Variants in INPP4B observed in about 807,000 individuals in gnomAD.
The protein encoded by INPP4B is inositol polyphosphate 4-phosphatase type II.
A neutral mutation model predicts 122.5 loss-of-function variants in INPP4B; 55 were observed. The ratio of observed to expected loss-of-function variants is 0.45; its 90% confidence interval spans 0.36 to 0.56. The LOEUF (loss-of-function observed/expected upper bound fraction) is 0.56. Ranked by LOEUF, INPP4B falls within the 20% of genes least tolerant of loss-of-function variation. INPP4B has a pLI of 0.00. For missense variants in INPP4B, 1,000 were observed against 1,097.7 expected (o/e 0.91, Z 1.26); for synonymous variants, 403 against 388.7 (o/e 1.04, Z -0.43).
chr4:142,227,068 G>T (rs763188113), intron 12 of INPP4B, among the ~76,000 whole-genome samples: 1 of 152,162 alleles, frequency 6.6e-6, no homozygotes, highest in Non-Finnish European at 1.5e-5. Flanking sequence ...GTGAGAGTTG[G>T]AGGATTTAGA....
chr4:142,366,514 T>G (rs903498264), intron 7 of INPP4B, among the ~76,000 whole-genome samples: 1 of 151,956 alleles, frequency 6.6e-6, no homozygotes, highest in African/African-American at 2.4e-5. Flanking sequence ...AAAGAAGAAA[T>G]AAAGTGAAAC....
chr4:142,075,589 C>T (rs1413778851), intron 25 of INPP4B, among the ~76,000 whole-genome samples: 1 of 151,948 alleles, frequency 6.6e-6, no homozygotes, highest in Non-Finnish European at 1.5e-5. Context: ...AGAACTTCCC[C>T]ATTTTAGCAA....
chr4:142,180,534 G>A (rs973003439), intron 15 of INPP4B, among the ~76,000 whole-genome samples: 3 of 151,840 alleles, frequency 2.0e-5, no homozygotes, highest in African/African-American at 4.8e-5. Flanking sequence ...AGTTTTTCAG[G>A]GATTATATTA....
intron 25 of INPP4B, among the ~76,000 whole-genome samples, chr4:142,077,485 AT>A (rs1771444338): frequency 1.3e-5 from 2 of 152,056 alleles, no homozygotes; most frequent in South Asian, 4.1e-4. Flanking sequence ...CAAATATGAC[AT>A]TTTAAAATCC....
rs146059752 is a variant in INPP4B, at chr4:142,204,023, T to A, written c.1072+4402A>T. Among the ~76,000 whole-genome samples the A allele has an allele frequency of 4.1e-4, 62 of 152,202 alleles. 2 individuals carry two copies. In the East Asian group the frequency reaches 0.012, roughly 29 times the overall value. On this transcript the variant is annotated intron_variant, in intron 14 of 25. Transcript: ENST00000262992. Reference sequence around the variant, plus strand: ...GTTAAATACATGTTATAAAAGAAAGTAGAAAAATTTGATTCACTACCACCT... The same window carrying A: ...GTTAAATACATGTTATAAAAGAAAGAAGAAAAATTTGATTCACTACCACCT...
intron 3 of INPP4B, among the ~76,000 whole-genome samples, chr4:142,437,208 G>T (rs1810725785): frequency 6.6e-6 from 1 of 151,854 alleles, no homozygotes; most frequent in South Asian, 2.1e-4. Context: ...GACAAGACTA[G>T]AGAAAAAAAG....
chr4:142,377,166 T>A (rs1266935451), intron 7 of INPP4B, among the ~76,000 whole-genome samples: 1 of 151,826 alleles, frequency 6.6e-6, no homozygotes, highest in Non-Finnish European at 1.5e-5. Flanking sequence ...TTAAAACAAA[T>A]TTTAGGTGGC....
At chr4:142,246,073 ACACACAT>A (rs1728547848) in intron 11 of INPP4B, among the ~76,000 whole-genome samples, 1 of 145,352 alleles carries the variant, frequency 6.9e-6, no homozygotes, top group Admixed American at 6.7e-5. Context: ...GTGTGTGTAT[ACACACAT>A]TATATATATG....
At chr4:142,251,592 T>C (rs925526653) in intron 11 of INPP4B, among the ~76,000 whole-genome samples, 13 of 152,206 alleles carry the variant, frequency 8.5e-5, no homozygotes, top group African/African-American at 2.9e-4. Flanking sequence ...ATTATATCTT[T>C]CATTAAAAAT....
In INPP4B at chr4:142,173,819, C is replaced by T; in HGVS notation, c.1182-10G>A. 6.2e-7 allele frequency: 1 copy of T among 1,609,026 alleles called. No homozygotes were observed. Among genetic ancestry groups the T allele is most frequent in the Non-Finnish European group, 8.5e-7 (1 of 1,176,360 alleles). On this transcript the variant is annotated splice_polypyrimidine_tract_variant and intron_variant, in intron 15 of 25. Coordinates refer to ENST00000262992, the MANE Select transcript of INPP4B (RefSeq NM_001101669.3). ...AAACTGGTATCCGGTACTGCAACAA[C>T]AAAGATAAAAATAAGTTACACAAAC...
chr4:142,671,639 T>C (rs1757016847), intron 2 of INPP4B, among the ~76,000 whole-genome samples: 1 of 152,146 alleles, frequency 6.6e-6, no homozygotes, highest in Non-Finnish European at 1.5e-5. Context: ...CAGTGACACT[T>C]GGGAAATTTG....
At chr4:142,715,924 C>G (rs922349583) in intron 2 of INPP4B, among the ~76,000 whole-genome samples, 4 of 152,116 alleles carry the variant, frequency 2.6e-5, no homozygotes, top group African/African-American at 9.7e-5. Flanking sequence ...TTGGCAGAGA[C>G]CTTAGCTGGA....
At chr4:142,568,153 CTTT>C (rs66773597) in intron 2 of INPP4B, among the ~76,000 whole-genome samples, 4 of 148,854 alleles carry the variant, frequency 2.7e-5, no homozygotes, top group Non-Finnish European at 3.0e-5. Context: ...TTTTTTTATT[CTTT>C]TTTTTTTTTC....
intron 5 of INPP4B, among the ~76,000 whole-genome samples, chr4:142,406,954 G>A (rs764510309): frequency 6.6e-6 from 1 of 151,978 alleles, no homozygotes; most frequent in Non-Finnish European, 1.5e-5. Flanking sequence ...TTGGCATGCC[G>A]ACCTGCCCTC....
chr4:142,549,003 A>G (rs2150068482), intron 2 of INPP4B, among the ~76,000 whole-genome samples: 1 of 152,188 alleles, frequency 6.6e-6, no homozygotes, highest in African/African-American at 2.4e-5. Flanking sequence ...ACAATGTCAG[A>G]ATGAAATGGG....
intron 9 of INPP4B, among the ~76,000 whole-genome samples, chr4:142,284,269 C>T (rs1948323): frequency 0.81 from 123,493 of 152,062 alleles, 50,474 homozygotes; most frequent in East Asian, 0.93. Flanking sequence ...CATTTTTTAA[C>T]GCTGATACAC....
intron 2 of INPP4B, among the ~76,000 whole-genome samples, chr4:142,670,484 C>T (rs1416390052): frequency 6.6e-6 from 1 of 151,948 alleles, no homozygotes; most frequent in African/African-American, 2.4e-5. Flanking sequence ...GAAGGAAGTC[C>T]TGTCATTTGT....
chr4:142,735,299 C>T (rs776314262), intron 1 of INPP4B, among the ~76,000 whole-genome samples: 1 of 152,156 alleles, frequency 6.6e-6, no homozygotes, highest in Non-Finnish European at 1.5e-5. Context: ...ACTTTCAGTG[C>T]TATGCCTGAC....
chr4:142,312,026 T>C (rs941434615), intron 8 of INPP4B, among the ~76,000 whole-genome samples: 11 of 152,160 alleles, frequency 7.2e-5, no homozygotes, highest in Admixed American at 6.5e-4. Context: ...TTTAAGCCAG[T>C]TTGTCACGTT....
Sources: allele counts gnomAD v4.1 joint callset (sites outside exome capture counted in the v4.1 genomes callset), GRCh38; gene constraint gnomAD v4.1.1; transcripts MANE v1.5; gene names NCBI Gene and HGNC (gene_info 2026-07-23, HGNC 2026-07-21).